SLC24A4: variants seen among roughly 807,000 people sequenced by gnomAD.
SLC24A4 encodes the protein solute carrier family 24 member 4.
SLC24A4 carries 53 observed loss-of-function variants against 79.0 expected under a neutral mutation model. The observed-to-expected ratio is 0.67, with a 90% confidence interval of 0.54 to 0.84. The LOEUF is 0.84. Ranked by LOEUF, SLC24A4 falls within the 40% of genes least tolerant of loss-of-function variation. The pLI, the probability that SLC24A4 is intolerant of heterozygous loss-of-function variation, is 0.00. For synonymous variants in SLC24A4, 323 were observed against 323.8 expected, an observed-to-expected ratio of 1.00 and a Z score of 0.03; for missense variants, 731 against 822.0, an observed-to-expected ratio of 0.89 and a Z score of 1.35.
chr14:92,447,524 G>A lies in SLC24A4; in HGVS notation c.737+100G>A, dbSNP rs550325508. Reference sequence around the variant, plus strand: ...GGAGAAAAACATCTGTCAGATCTTTGTCCTTTTAGGCCAGCCCCAGCTCTC... The same window carrying A: ...GGAGAAAAACATCTGTCAGATCTTTATCCTTTTAGGCCAGCCCCAGCTCTC... On this transcript the variant is annotated intron_variant, in intron 9 of 16. Transcript: ENST00000532405. 5 of 1,182,196 alleles carry A rather than the reference G, an allele frequency of 4.2e-6. No individual in the cohort carries two copies. The East Asian group carries it at 1.2e-4, about 28-fold the overall frequency. 73.2% of individuals were successfully genotyped at this position (1,182,196 alleles called of 1,614,324 possible).
At chr14:92,461,402 C>T (rs185275465) in intron 12 of SLC24A4, among the ~76,000 whole-genome samples, 3 of 152,312 alleles carry the variant, frequency 2.0e-5, no homozygotes, top group African/African-American at 4.8e-5. Flanking sequence ...ATGTCACCGA[C>T]GAAGCAGCTT....
chr14:92,343,832 A>G (rs557485590), intron 2 of SLC24A4, among the ~76,000 whole-genome samples: 7 of 151,998 alleles, frequency 4.6e-5, no homozygotes, highest in Non-Finnish European at 1.0e-4. Context: ...TCTCCTGAGT[A>G]GCTGGGACTA....
intron 3 of SLC24A4, among the ~76,000 whole-genome samples, chr14:92,436,105 C>A (rs1395397848): frequency 1.3e-5 from 2 of 152,026 alleles, no homozygotes; most frequent in Non-Finnish European, 2.9e-5. Context: ...ACTCACAGTT[C>A]CTCATGGATG....
rs575437564 is a variant in SLC24A4, at chr14:92,457,861, G to A, written c.1255+1253G>A. ...GGCTCACTGAGCACCTGACTTGGGA[G>A]GTGACTCTGGAGGGCCAGAGGCTGT... On this transcript the variant is annotated intron_variant, in intron 12 of 16. Coordinates refer to ENST00000532405, the MANE Select transcript of SLC24A4 (RefSeq NM_153646.4). Among the ~76,000 whole-genome samples, 18 of 152,356 alleles carry A rather than the reference G, an allele frequency of 1.2e-4. No individual in the cohort carries two copies. In the South Asian group the frequency reaches 3.5e-3, roughly 30 times the overall value.
intron 2 of SLC24A4, among the ~76,000 whole-genome samples, chr14:92,374,622 C>T (rs1456614463): frequency 6.6e-6 from 1 of 152,328 alleles, no homozygotes; most frequent in Admixed American, 6.5e-5. Context: ...ACGTTCCCTT[C>T]CTTAACTCTC....
rs779039260 is a variant in SLC24A4, at chr14:92,447,337, G to A, written c.684-34G>A. 49 of 1,611,418 alleles carry A rather than the reference G, an allele frequency of 3.0e-5. 1 individual carries two copies. The highest frequency in any genetic ancestry group is 1.1e-4 in the South Asian group (10 of 91,020). ...CCAGCCTTCACCTGCCCCGGGCCCCGAGCTCTAACCGCAATCTCCTTTCTC... is the reference window on the plus strand; with the variant it reads ...CCAGCCTTCACCTGCCCCGGGCCCCAAGCTCTAACCGCAATCTCCTTTCTC... On this transcript the variant is annotated intron_variant, in intron 8 of 16. Coordinates refer to ENST00000532405, the MANE Select transcript of SLC24A4 (RefSeq NM_153646.4).
chr14:92,331,323 A>C (rs1885463399), intron 2 of SLC24A4, among the ~76,000 whole-genome samples: 2 of 152,306 alleles, frequency 1.3e-5, no homozygotes, highest in South Asian at 4.1e-4. Context: ...TCACTGTGTC[A>C]CCCAGGCTGG....
At chr14:92,424,941 C>T (rs1466385748) in intron 2 of SLC24A4, among the ~76,000 whole-genome samples, 1 of 152,088 alleles carries the variant, frequency 6.6e-6, no homozygotes, top group African/African-American at 2.4e-5. Context: ...AGTCACTCAC[C>T]ACTTGCGCCC....
intron 2 of SLC24A4, among the ~76,000 whole-genome samples, chr14:92,400,566 G>T (rs1890064550): frequency 1.3e-5 from 2 of 152,098 alleles, no homozygotes; most frequent in Non-Finnish European, 2.9e-5. Flanking sequence ...CTTCTTTGGG[G>T]CATGCAGGAC....
At chr14:92,373,743 G>A (rs1266463158) in intron 2 of SLC24A4, among the ~76,000 whole-genome samples, 1 of 152,194 alleles carries the variant, frequency 6.6e-6, no homozygotes, top group African/African-American at 2.4e-5. Flanking sequence ...TTAGTTGTGT[G>A]TGTGCTTAAT....
At chr14:92,327,688 G>A (rs1048307240) in intron 2 of SLC24A4, among the ~76,000 whole-genome samples, 9 of 152,126 alleles carry the variant, frequency 5.9e-5, no homozygotes, top group African/African-American at 1.7e-4. Flanking sequence ...TGGCTTAGAC[G>A]GGGATCCCTT....
At chr14:92,476,002 G>A (rs1220633651) in intron 12 of SLC24A4, among the ~76,000 whole-genome samples, 1 of 152,172 alleles carries the variant, frequency 6.6e-6, no homozygotes, top group Non-Finnish European at 1.5e-5. Context: ...CGTGGGTGGG[G>A]CCAGATGGGG....
intron 16 of SLC24A4, 111 bp downstream of exon 16, chr14:92,492,351 A>T (rs1462664348): frequency 2.9e-6 from 3 of 1,020,976 alleles, no homozygotes; most frequent in African/African-American, 3.2e-5. Context: ...TTGGTAGTGA[A>T]GGATAAAGGC....
At chr14:92,372,059 G>A (rs1303408647) in intron 2 of SLC24A4, among the ~76,000 whole-genome samples, 1 of 152,224 alleles carries the variant, frequency 6.6e-6, no homozygotes, top group African/African-American at 2.4e-5. Context: ...GGGATAGAGG[G>A]AAACACAGGT....
At chr14:92,395,199 G>A (rs1889694856) in intron 2 of SLC24A4, among the ~76,000 whole-genome samples, 1 of 152,122 alleles carries the variant, frequency 6.6e-6, no homozygotes, top group African/African-American at 2.4e-5. Context: ...TTTACATCCA[G>A]CCTTTCTGCC....
intron 12 of SLC24A4, among the ~76,000 whole-genome samples, chr14:92,472,874 T>C (rs1595342924): frequency 6.6e-6 from 1 of 152,324 alleles, no homozygotes; most frequent in East Asian, 1.9e-4. Context: ...CTGTTTTCCA[T>C]AGTGGTTGTC....
intron 2 of SLC24A4, among the ~76,000 whole-genome samples, chr14:92,395,026 G>A (rs1187746096): frequency 2.0e-5 from 3 of 152,202 alleles, no homozygotes; most frequent in Non-Finnish European, 4.4e-5. Flanking sequence ...AGTGGCATGG[G>A]AGCAGGAAAA....
chr14:92,487,501 G>T (rs1212020283), intron 14 of SLC24A4, among the ~76,000 whole-genome samples: 1 of 152,166 alleles, frequency 6.6e-6, no homozygotes, highest in Non-Finnish European at 1.5e-5. Flanking sequence ...GACAGGACGT[G>T]TTATTCCTCC....
chr14:92,448,341 T>TACACACACACACACACAC lies in SLC24A4; in HGVS notation c.738-730_738-729insCACACACACACACACACA, dbSNP rs1415258640. Among the ~76,000 whole-genome samples the TACACACACACACACACAC allele has an allele frequency of 3.2e-4, 6 of 18,672 alleles. No homozygotes were observed. The South Asian group carries it at 5.9e-3, about 18-fold the overall frequency. 12.2% of individuals were successfully genotyped at this position (18,672 alleles called of 152,430 possible). Reference sequence around the variant, plus strand: ...GTTATGACATATATTTTTTTCCCACTACATACACACACACACACACACACA... The same window carrying TACACACACACACACACAC: ...GTTATGACATATATTTTTTTCCCACTACACACACACACACACACACATACACACACACACACACACACA... On this transcript the variant is annotated intron_variant, in intron 9 of 16. Coordinates refer to ENST00000532405, the MANE Select transcript of SLC24A4 (RefSeq NM_153646.4).
Sources: allele counts gnomAD v4.1 joint callset (sites outside exome capture counted in the v4.1 genomes callset), GRCh38; gene constraint gnomAD v4.1.1; transcripts MANE v1.5; gene names NCBI Gene and HGNC (gene_info 2026-07-23, HGNC 2026-07-21).